Variants in XXYLT1 observed in about 807,000 individuals in gnomAD.
XXYLT1 encodes the protein UDP-xylose:alpha-xyloside alpha-1,3-xylosyltransferase.
Under a neutral mutation model 28.9 loss-of-function variants are expected in XXYLT1, and 20 were observed. The observed-to-expected ratio is 0.69, with a 90% CI of 0.49 to 1.00. XXYLT1 has a LOEUF of 1.00. Among genes scored for constraint, XXYLT1 ranks in the 50% least tolerant of loss-of-function variants. The pLI is 0.00. For synonymous variants in XXYLT1, 257 were observed against 253.8 expected (o/e 1.01, Z -0.12); for missense variants, 542 against 560.1 (o/e 0.97, Z 0.33).
At chr3:195,088,383 C>T (rs975014368) in intron 3 of XXYLT1, among the ~76,000 whole-genome samples, 19 of 146,702 alleles carry the variant, frequency 1.3e-4, no homozygotes, top group Non-Finnish European at 2.4e-4. Context: ...GACCCCTGAC[C>T]CCCGAGCAGC....
intron 2 of XXYLT1, among the ~76,000 whole-genome samples, chr3:195,191,928 C>T (rs974639639): frequency 3.3e-5 from 5 of 152,156 alleles, no homozygotes; most frequent in African/African-American, 4.8e-5. Context: ...TTTCAATACC[C>T]TACTCTTGAT....
At chr3:195,262,887 T>C (rs1725737057) in intron 1 of XXYLT1, among the ~76,000 whole-genome samples, 1 of 152,250 alleles carries the variant, frequency 6.6e-6, no homozygotes, top group Non-Finnish European at 1.5e-5. Context: ...TGATAAAATA[T>C]GCACTGTTCT....
chr3:195,074,536 G>GA (rs1715009316), intron 3 of XXYLT1, among the ~76,000 whole-genome samples: 2 of 152,202 alleles, frequency 1.3e-5, no homozygotes, highest in Non-Finnish European at 2.9e-5. Context: ...GTCCAGGAGG[G>GA]AAAAGCAACA....
chr3:195,143,667 T>G lies in XXYLT1; in HGVS notation c.785+12782A>C, dbSNP rs1184813164. On this transcript the variant is annotated intron_variant, in intron 3 of 3. Transcript: ENST00000310380. ...AGGCATTTACCTGAAATTAAACTGC[T>G]GCAGGCTGTACCCTCAGTTTCTGAA... is the stretch of plus-strand genomic sequence containing the variant. Among the ~76,000 whole-genome samples, 3 of 151,088 alleles carry G rather than the reference T, an allele frequency of 2.0e-5. No homozygotes were observed. In the East Asian group the frequency reaches 5.8e-4, roughly 29 times the overall value.
At chr3:195,241,932 A>G (rs1386115472) in intron 1 of XXYLT1, among the ~76,000 whole-genome samples, 1 of 152,140 alleles carries the variant, frequency 6.6e-6, no homozygotes, top group East Asian at 1.9e-4. Flanking sequence ...CAGACATGTC[A>G]TATTTTTCAG....
chr3:195,247,518 C>A (rs1290521750), intron 1 of XXYLT1, among the ~76,000 whole-genome samples: 7 of 152,252 alleles, frequency 4.6e-5, no homozygotes, highest in African/African-American at 1.7e-4. Flanking sequence ...ACAGCTTCCT[C>A]TAGGGGCCGG....
At chr3:195,233,137 T>G (rs1724371763) in intron 1 of XXYLT1, among the ~76,000 whole-genome samples, 1 of 152,234 alleles carries the variant, frequency 6.6e-6, no homozygotes, top group Admixed American at 6.5e-5. Flanking sequence ...AACTTGTCTC[T>G]TTTTATATTT....
chr3:195,103,342 A>ATCACCCCACGCCTGCGG (rs1455468622), intron 3 of XXYLT1, among the ~76,000 whole-genome samples: 1 of 48,064 alleles, frequency 2.1e-5, no homozygotes, highest in Non-Finnish European at 5.0e-5. Flanking sequence ...CACGCCAGCG[A>ATCACCCCACGCCTGCGG]CCTGCGTCCA....
Position 195,125,258 on chromosome 3 carries a change from G to A in XXYLT1, c.785+31191C>T, listed in dbSNP as rs77197763. Among the ~76,000 whole-genome samples the A allele has an allele frequency of 3.3e-3, 504 of 152,352 alleles. 3 individuals carry two copies. Among genetic ancestry groups the A allele is most frequent in the African/African-American group, 0.012 (482 of 41,584 alleles). ...GGGAGCTGAACTGATATTCAGCTAG[G>A]GGCCTGGACATGATGCTTTTGGCCT... On this transcript the variant is annotated intron_variant, in intron 3 of 3. Coordinates refer to ENST00000310380, the MANE Select transcript of XXYLT1 (RefSeq NM_152531.5).
rs937282536 is a variant in XXYLT1 at position 195,068,838 on chromosome 3, C to G, written c.*877G>C. ...GCTCAATCGATACCCCCACCTCGGTCTCCCAAAGTGTTGGGATTACAGGCT... is the reference window on the plus strand; with the variant it reads ...GCTCAATCGATACCCCCACCTCGGTGTCCCAAAGTGTTGGGATTACAGGCT... On this transcript the variant is annotated 3_prime_UTR_variant, in exon 4 of 4. Coordinates refer to ENST00000310380, the MANE Select transcript of XXYLT1 (RefSeq NM_152531.5). 6.6e-6 allele frequency: 1 copy of G among 152,196 alleles called. No homozygotes were observed. The highest frequency in any genetic ancestry group is 1.5e-5 in the Non-Finnish European group (1 of 68,046). 9.4% of individuals were successfully genotyped at this position (152,196 alleles called of 1,614,324 possible). A position where few individuals can be genotyped will look rare whatever the true frequency, so the allele number is the denominator to read the frequency against.
At chr3:195,201,949 T>C (rs755841145) in intron 2 of XXYLT1, among the ~76,000 whole-genome samples, 7 of 152,068 alleles carry the variant, frequency 4.6e-5, no homozygotes, top group South Asian at 2.1e-4. Context: ...GAGGCCAAGG[T>C]GGGCGGATCA....
chr3:195,075,366 T>C (rs1003251522), intron 3 of XXYLT1, among the ~76,000 whole-genome samples: 3 of 152,344 alleles, frequency 2.0e-5, no homozygotes, highest in Non-Finnish European at 4.4e-5. Flanking sequence ...GACTCCTGGT[T>C]CATATACCCA....
intron 2 of XXYLT1, among the ~76,000 whole-genome samples, chr3:195,158,363 G>C (rs1245091679): frequency 6.6e-6 from 1 of 152,192 alleles, no homozygotes; most frequent in Non-Finnish European, 1.5e-5. Flanking sequence ...GAATATGCTG[G>C]GAGGGCGGGG....
rs1425991102 is a variant in XXYLT1 at position 195,129,142 on chromosome 3, T to A, written c.785+27307A>T. 1.3e-5 allele frequency among the ~76,000 whole-genome samples: 2 copies of A among 152,188 alleles called. No individual in the cohort carries two copies. The highest frequency in any genetic ancestry group is 3.8e-4 in the East Asian group (2 of 5,208). Reference sequence around the variant, plus strand: ...TGTGGGGGGAAGGTCGCGGCTAACATAGAGAGGGACAGCAGAGTTTAGCGT... The same window carrying A: ...TGTGGGGGGAAGGTCGCGGCTAACAAAGAGAGGGACAGCAGAGTTTAGCGT... On this transcript the variant is annotated intron_variant, in intron 3 of 3. Transcript: ENST00000310380. The surrounding 1 kb of genome is among the most constrained non-coding windows in gnomAD (Gnocchi z 4.4).
At chr3:195,219,073 C>T (rs553258886) in intron 2 of XXYLT1, among the ~76,000 whole-genome samples, 1 of 151,532 alleles carries the variant, frequency 6.6e-6, no homozygotes, top group South Asian at 2.1e-4. Context: ...GAACAAAAAA[C>T]CAAACACAGC....
At chr3:195,188,387 A>G (rs552787627) in intron 2 of XXYLT1, among the ~76,000 whole-genome samples, 2 of 152,252 alleles carry the variant, frequency 1.3e-5, no homozygotes, top group Non-Finnish European at 2.9e-5. Context: ...TAGCATTGCC[A>G]TGGCAACAAC....
In XXYLT1 at chr3:195,129,601, T is replaced by C. The variant is rs1718801509; in HGVS notation, c.785+26848A>G. On this transcript the variant is annotated intron_variant, in intron 3 of 3. Coordinates refer to ENST00000310380, the MANE Select transcript of XXYLT1 (RefSeq NM_152531.5). The surrounding 1 kb of genome is among the most constrained non-coding windows in gnomAD (Gnocchi z 4.4). ...TGGCCAAATAACATTTCATCATATT[T>C]TGCTTTTCCATTCATCAGTTGATAG... Among the ~76,000 whole-genome samples the C allele has an allele frequency of 6.6e-6, 1 of 152,240 alleles. No individual in the cohort carries two copies. The highest frequency in any genetic ancestry group is 1.9e-4 in the East Asian group (1 of 5,204).
intron 3 of XXYLT1, among the ~76,000 whole-genome samples, chr3:195,079,334 G>A (rs776886997): frequency 2.0e-5 from 3 of 151,956 alleles, no homozygotes; most frequent in Non-Finnish European, 4.4e-5. Flanking sequence ...CAGAGGGGAG[G>A]ATATTTTCCA....
At chr3:195,140,794 C>T (rs1004736799) in intron 3 of XXYLT1, among the ~76,000 whole-genome samples, 2 of 152,176 alleles carry the variant, frequency 1.3e-5, no homozygotes, top group Non-Finnish European at 1.5e-5. Context: ...TCAATCACCT[C>T]CCACCCAGCC....
Sources: gnomAD v4.1 joint callset for allele counts (sites outside exome capture counted in the v4.1 genomes callset) on GRCh38, gnomAD v4.1.1 for gene constraint, Gnocchi (gnomAD v3.1) non-coding constraint, MANE v1.5 for transcripts, NCBI Gene and HGNC (gene_info 2026-07-23, HGNC 2026-07-21) for gene names.